TBCK: variants seen among roughly 807,000 people sequenced by gnomAD.
TBCK encodes the protein TBC1 domain containing kinase, also known as TBC domain-containing protein kinase-like protein.
Under a neutral mutation model 113.4 loss-of-function variants are expected in TBCK, and 99 were observed. The ratio of observed to expected loss-of-function variants is 0.87; its 90% CI spans 0.74 to 1.03. The LOEUF is 1.03. Ranked by LOEUF, TBCK falls within the 50% of genes least tolerant of loss-of-function variation. The probability of loss-of-function intolerance (pLI) is 0.00; values close to 1 mark genes in which losing one functional copy is unlikely to be tolerated. For synonymous variants in TBCK, 369 were observed against 370.8 expected (o/e 1.00, Z 0.05); for missense variants, 1,045 against 1,061.3 (o/e 0.98, Z 0.21).
intron 3 of TBCK, among the ~76,000 whole-genome samples, chr4:106,278,236 T>C (rs75645207): frequency 0.036 from 5,528 of 152,108 alleles, 389 homozygotes; most frequent in East Asian, 0.27. Flanking sequence ...AAGGACAGGA[T>C]ATCAAACTTG....
intron 22 of TBCK, among the ~76,000 whole-genome samples, chr4:106,181,383 T>C (rs968310894): frequency 2.8e-4 from 43 of 152,164 alleles, no homozygotes; most frequent in African/African-American, 9.7e-4. Flanking sequence ...TTAGATCCCA[T>C]TTGTCAATTT....
chr4:106,094,146 G>C (rs1245250200), intron 25 of TBCK, among the ~76,000 whole-genome samples: 2 of 152,178 alleles, frequency 1.3e-5, no homozygotes, highest in Non-Finnish European at 2.9e-5. Context: ...ATATGGCATA[G>C]TTCTCTAAAT....
chr4:106,196,252 G>C (rs1754224046), intron 20 of TBCK, among the ~76,000 whole-genome samples: 1 of 151,430 alleles, frequency 6.6e-6, no homozygotes, highest in Admixed American at 6.6e-5. Flanking sequence ...AATTTTAGAA[G>C]GTTTTAGAAG....
intron 22 of TBCK, among the ~76,000 whole-genome samples, chr4:106,187,327 G>A (rs1454689414): frequency 6.6e-6 from 1 of 152,044 alleles, no homozygotes; most frequent in African/African-American, 2.4e-5. Context: ...ATTCCTTTGG[G>A]CAATATGGCC....
rs1434913538 is a variant in TBCK at position 106,116,075 on chromosome 4, G to C, written c.2411+128C>G. ...AAGACCATTCTGGCATCCAGTTTGA[G>C]AGTAATTTAACTACTTGAATTCAGA... is the stretch of plus-strand genomic sequence containing the variant. On this transcript the variant is annotated intron_variant, in intron 24 of 25. Transcript: ENST00000394708. 7.4e-6 allele frequency: 6 copies of C among 806,292 alleles called. No individual in the cohort carries two copies. In the African/African-American group the frequency reaches 1.0e-4, roughly 14 times the overall value. 49.9% of individuals were successfully genotyped at this position (806,292 alleles called of 1,614,324 possible).
intron 24 of TBCK, among the ~76,000 whole-genome samples, chr4:106,100,385 T>A (rs1741416079): frequency 6.6e-6 from 1 of 152,218 alleles, no homozygotes; most frequent in Admixed American, 6.5e-5. Context: ...GTGGCACCAG[T>A]ATCTAACAAT....
intron 20 of TBCK, among the ~76,000 whole-genome samples, chr4:106,205,405 G>A (rs1755360585): frequency 6.6e-6 from 1 of 151,728 alleles, no homozygotes; most frequent in African/African-American, 2.4e-5. Flanking sequence ...CAGAGTATGA[G>A]AAGTTCACTG....
chr4:106,176,156 A>T (rs1319445708), intron 22 of TBCK, among the ~76,000 whole-genome samples: 1 of 152,112 alleles, frequency 6.6e-6, no homozygotes, highest in Non-Finnish European at 1.5e-5. Flanking sequence ...ACCAATTCGA[A>T]TATTTATTTT....
At chr4:106,309,044 T>C (rs2125895216) in intron 1 of TBCK, 55 bp from the exon 2 acceptor site, 2 of 1,193,148 alleles carry the variant, frequency 1.7e-6, no homozygotes, top group African/African-American at 1.5e-5. Context: ...ACAGACCAAA[T>C]CTTAAGCATG....
intron 16 of TBCK, 78 bp from the exon 17 acceptor site, chr4:106,233,142 T>TGAAC: frequency 7.6e-7 from 1 of 1,315,246 alleles, no homozygotes; most frequent in Non-Finnish European, 1.0e-6. Flanking sequence ...GTTCATTAAA[T>TGAAC]AAGGAAAAGG....
At chr4:106,218,893 T>A (rs1278125777) in intron 19 of TBCK, among the ~76,000 whole-genome samples, 1 of 150,082 alleles carries the variant, frequency 6.7e-6, no homozygotes, top group Non-Finnish European at 1.5e-5. Context: ...GGACTATAAA[T>A]CATGCTGCTA....
intron 23 of TBCK, among the ~76,000 whole-genome samples, chr4:106,121,712 T>C (rs1744408733): frequency 6.6e-6 from 1 of 152,194 alleles, no homozygotes; most frequent in Admixed American, 6.5e-5. Context: ...AACTCAGGAT[T>C]AAGAATCTTA....
At chr4:106,230,305 C>A in intron 19 of TBCK, 58 bp downstream of exon 19, 2 of 1,083,436 alleles carry the variant, frequency 1.8e-6, no homozygotes. Flanking sequence ...AATATTACAT[C>A]AGCACACCAG....
chr4:106,160,464 G>T (rs1289251010), intron 23 of TBCK, among the ~76,000 whole-genome samples: 15 of 151,708 alleles, frequency 9.9e-5, no homozygotes, highest in African/African-American at 3.6e-4. Flanking sequence ...CATTTCTCCA[G>T]AGAAGATATA....
chr4:106,215,823 C>A (rs1756822776), intron 19 of TBCK, among the ~76,000 whole-genome samples: 1 of 151,472 alleles, frequency 6.6e-6, no homozygotes, highest in Admixed American at 6.6e-5. Context: ...AGAAAGTCAA[C>A]AAGGATACCC....
intron 5 of TBCK, among the ~76,000 whole-genome samples, chr4:106,256,560 G>A (rs941827486): frequency 1.2e-4 from 18 of 152,288 alleles, no homozygotes; most frequent in South Asian, 6.2e-4. Flanking sequence ...AGACATTTCC[G>A]AGCCTACAGC....
intron 24 of TBCK, among the ~76,000 whole-genome samples, chr4:106,100,404 G>A (rs905429425): frequency 6.6e-6 from 1 of 152,168 alleles, no homozygotes; most frequent in Non-Finnish European, 1.5e-5. Context: ...ATGCTTGCAA[G>A]TGTCAACGAT....
chr4:106,117,486 A>C (rs1226396154), intron 23 of TBCK, among the ~76,000 whole-genome samples: 1 of 152,182 alleles, frequency 6.6e-6, no homozygotes, highest in African/African-American at 2.4e-5. Flanking sequence ...ACTGTGAAGG[A>C]GGTAACTTAA....
At chr4:106,275,100 G>A (rs1016220111) in intron 3 of TBCK, among the ~76,000 whole-genome samples, 5 of 152,124 alleles carry the variant, frequency 3.3e-5, no homozygotes, top group Non-Finnish European at 7.4e-5. Flanking sequence ...GGATGACAGA[G>A]CAGGATCCTG....
Sources: allele counts gnomAD v4.1 joint callset (sites outside exome capture counted in the v4.1 genomes callset), GRCh38; gene constraint gnomAD v4.1.1; transcripts MANE v1.5; gene names NCBI Gene and HGNC (gene_info 2026-07-23, HGNC 2026-07-21).